The following CACUL1 variants were observed in gnomAD, a reference collection of about 807,000 sequenced individuals.
The protein encoded by CACUL1 is CDK2-associated and cullin domain-containing protein 1.
A neutral mutation model predicts 45.2 loss-of-function variants in CACUL1; 13 were observed. That is an observed-to-expected ratio of 0.29 (90% CI 0.19 to 0.46). CACUL1 has a LOEUF of 0.46. CACUL1 is among the 20% of genes least tolerant of loss of function. The pLI, the probability that CACUL1 is intolerant of heterozygous loss-of-function variation, is 1.00. For missense variants in CACUL1, 421 were observed against 471.4 expected (o/e 0.89, Z 0.99); for synonymous variants, 197 against 174.2 (o/e 1.13, Z -1.03).
intron 3 of CACUL1, among the ~76,000 whole-genome samples, chr10:118,721,648 T>G (rs541425689): frequency 6.6e-6 from 1 of 152,266 alleles, no homozygotes; most frequent in Non-Finnish European, 1.5e-5. Flanking sequence ...ATCTTCCCAC[T>G]TGAATGTTAC....
chr10:118,705,648 T>C (rs1845426188), intron 4 of CACUL1, among the ~76,000 whole-genome samples: 1 of 151,984 alleles, frequency 6.6e-6, no homozygotes, highest in South Asian at 2.1e-4. Flanking sequence ...AGCAAGACCT[T>C]AGTTACAATT....
chr10:118,693,671 GA>G, intron 6 of CACUL1: 3 of 451,616 alleles, frequency 6.6e-6, no homozygotes, highest in South Asian at 1.6e-5. Flanking sequence ...GCTTTCAAAG[GA>G]AAAAAAATCA....
chr10:118,703,040 C>A (rs1318128221), intron 4 of CACUL1, among the ~76,000 whole-genome samples: 2 of 152,170 alleles, frequency 1.3e-5, no homozygotes, highest in Non-Finnish European at 2.9e-5. Flanking sequence ...TGGCCTCCCA[C>A]TTCAGCCACC....
At chr10:118,694,833 A>T (rs1252516589) in intron 6 of CACUL1, 1 of 250,058 alleles carries the variant, frequency 4.0e-6, no homozygotes, top group Non-Finnish European at 8.1e-6. Context: ...GTGCAGCGTG[A>T]GGCAGGAAGT....
chr10:118,737,804 T>G (rs955030774), intron 1 of CACUL1, among the ~76,000 whole-genome samples: 10 of 152,120 alleles, frequency 6.6e-5, no homozygotes, highest in African/African-American at 2.4e-4. Context: ...CATAGGAGCC[T>G]GTGACACAGT....
At chr10:118,730,464 C>T (rs753785966) in intron 1 of CACUL1, 54 bp from the exon 2 acceptor site, 13 of 1,506,666 alleles carry the variant, frequency 8.6e-6, no homozygotes, top group Non-Finnish European at 1.2e-5. Context: ...GGAGCAAACA[C>T]AAATCACAGC....
chr10:118,696,261 A>G (rs1158399446), intron 5 of CACUL1, among the ~76,000 whole-genome samples: 2 of 152,102 alleles, frequency 1.3e-5, no homozygotes, highest in Non-Finnish European at 2.9e-5. Context: ...CCTGGCCCAC[A>G]CTAGAAGAAG....
intron 3 of CACUL1, among the ~76,000 whole-genome samples, chr10:118,714,673 T>A (rs1293724371): frequency 6.6e-6 from 1 of 152,182 alleles, no homozygotes; most frequent in Non-Finnish European, 1.5e-5. Flanking sequence ...ATTCATACAA[T>A]CACATAAGCA....
At chr10:118,739,741 C>G (rs913675769) in intron 1 of CACUL1, among the ~76,000 whole-genome samples, 1 of 152,184 alleles carries the variant, frequency 6.6e-6, no homozygotes, top group African/African-American at 2.4e-5. Context: ...TAAACAGAAA[C>G]AAGAGGACTA....
intron 3 of CACUL1, among the ~76,000 whole-genome samples, chr10:118,711,511 G>T (rs1845485704): frequency 1.3e-5 from 2 of 152,170 alleles, no homozygotes; most frequent in Admixed American, 1.3e-4. Flanking sequence ...CTGCTTTGAA[G>T]AACTCTAAAA....
rs948447041 is a variant in CACUL1, at chr10:118,729,393, C to T, written c.499G>A (p.Val167Met). 3 of 1,607,982 alleles carry T rather than the reference C, an allele frequency of 1.9e-6. No homozygotes were observed. The highest frequency in any genetic ancestry group is 2.7e-5 in the African/African-American group (2 of 74,828). ...PISYEQIYSCVYKCVCQQHSE... is the reference protein window; with the variant it reads ...PISYEQIYSCMYKCVCQQHSE... ...TGCTGCTGGCATACACATTTATACA[C>T]ACAACTGTAAAACAAACAAAAACCC... The change falls in exon 3 of 9, where the codon GTG becomes ATG. Residue 167 changes from valine to methionine, a missense_variant. Val to Met is a conservative substitution (Grantham distance 21, BLOSUM62 1). Coordinates refer to ENST00000369151, the MANE Select transcript of CACUL1 (RefSeq NM_153810.5).
intron 4 of CACUL1, among the ~76,000 whole-genome samples, chr10:118,701,900 A>C (rs1358612333): frequency 6.6e-6 from 1 of 152,172 alleles, no homozygotes; most frequent in Non-Finnish European, 1.5e-5. Context: ...CACTCAAGGC[A>C]GCCCAAGCAG....
chr10:118,735,034 G>A (rs1242862287), intron 1 of CACUL1, among the ~76,000 whole-genome samples: 1 of 152,158 alleles, frequency 6.6e-6, no homozygotes, highest in South Asian at 2.1e-4. Flanking sequence ...CAAACTAGAC[G>A]TTAAGCCCCA....
At chr10:118,689,180 G>C (rs918406734) in intron 7 of CACUL1, among the ~76,000 whole-genome samples, 1 of 152,206 alleles carries the variant, frequency 6.6e-6, no homozygotes, top group Non-Finnish European at 1.5e-5. Flanking sequence ...TCCTAATTAA[G>C]GCATTAAGTT....
At chr10:118,749,839 G>A (rs904250399) in intron 1 of CACUL1, among the ~76,000 whole-genome samples, 1 of 151,850 alleles carries the variant, frequency 6.6e-6, no homozygotes, top group Non-Finnish European at 1.5e-5. Context: ...CAGTAGGGCT[G>A]GTGGACCCGT....
In CACUL1 at chr10:118,736,371, G is replaced by T. The variant is rs1845741062; in HGVS notation, c.368-5961C>A. Reference sequence around the variant, plus strand: ...AGTAAAAAAGTTACAGGAAGCTAAGGTTGATTTATTATTTATAATTTTTTT... The same window carrying T: ...AGTAAAAAAGTTACAGGAAGCTAAGTTTGATTTATTATTTATAATTTTTTT... On this transcript the variant is annotated intron_variant, in intron 1 of 8. Coordinates refer to ENST00000369151, the MANE Select transcript of CACUL1 (RefSeq NM_153810.5). 2.0e-5 allele frequency among the ~76,000 whole-genome samples: 3 copies of T among 152,068 alleles called. No homozygotes were observed. In the South Asian group the frequency reaches 6.2e-4, roughly 32 times the overall value.
In CACUL1 at chr10:118,749,943, C is replaced by T. The variant is rs531045731; in HGVS notation, c.367+4453G>A. 5.9e-5 allele frequency among the ~76,000 whole-genome samples: 9 copies of T among 152,340 alleles called. No individual in the cohort carries two copies. In the South Asian group the frequency reaches 1.9e-3, roughly 32 times the overall value. ...CAACATAGGAAGGGCTAGATGTACC[C>T]TTTCCTACCAAAGTAATAAACTCGA... On this transcript the variant is annotated intron_variant, in intron 1 of 8. Transcript: ENST00000369151.
chr10:118,742,150 A>C (rs1347932957), intron 1 of CACUL1, among the ~76,000 whole-genome samples: 1 of 152,256 alleles, frequency 6.6e-6, no homozygotes, highest in Non-Finnish European at 1.5e-5. Context: ...TTTGGCACAC[A>C]ATAAACACTT....
At chr10:118,754,169 G>C (rs1405419172) in intron 1 of CACUL1, among the ~76,000 whole-genome samples, 1 of 152,168 alleles carries the variant, frequency 6.6e-6, no homozygotes, top group Non-Finnish European at 1.5e-5. Flanking sequence ...TGCCTCTCTA[G>C]GCCAGGTAAT....
Sources: allele counts gnomAD v4.1 joint callset (sites outside exome capture counted in the v4.1 genomes callset), GRCh38; gene constraint gnomAD v4.1.1; transcripts MANE v1.5; gene names NCBI Gene and HGNC (gene_info 2026-07-23, HGNC 2026-07-21).